Variants in EHBP1 observed in about 807,000 individuals in gnomAD.
EHBP1 encodes EH domain binding protein 1.
Under a neutral mutation model 144.0 loss-of-function variants are expected in EHBP1, and 55 were observed. The ratio of observed to expected loss-of-function variants is 0.38; its 90% CI spans 0.31 to 0.48. The LOEUF (loss-of-function observed/expected upper bound fraction) is 0.48. Among genes scored for constraint, EHBP1 ranks in the 20% least tolerant of loss-of-function variants. EHBP1 has a pLI of 0.98. For synonymous variants in EHBP1, 469 were observed against 472.7 expected, an observed-to-expected ratio of 0.99 and a Z score of 0.10; for missense variants, 1,200 against 1,364.2, an observed-to-expected ratio of 0.88 and a Z score of 1.90.
chr2:62,720,602 G>T (rs1211975672), intron 2 of EHBP1, among the ~76,000 whole-genome samples: 1 of 152,096 alleles, frequency 6.6e-6, no homozygotes, highest in Non-Finnish European at 1.5e-5. Context: ...AAGTTTAATG[G>T]TTCAGCTTTA....
intron 10 of EHBP1, among the ~76,000 whole-genome samples, chr2:62,919,458 C>T (rs1472725798): frequency 1.3e-5 from 2 of 152,148 alleles, no homozygotes; most frequent in Non-Finnish European, 2.9e-5. Context: ...TAGTTTGTAC[C>T]TCAGACTAAT....
intron 7 of EHBP1, among the ~76,000 whole-genome samples, chr2:62,839,701 G>C (rs999086871): frequency 1.3e-5 from 2 of 150,774 alleles, no homozygotes; most frequent in Non-Finnish European, 3.0e-5. Flanking sequence ...ACCAACAACA[G>C]ACAGAGAGCC....
chr2:62,916,569 G>A (rs1263671988), intron 10 of EHBP1, among the ~76,000 whole-genome samples: 1 of 151,196 alleles, frequency 6.6e-6, no homozygotes, highest in Non-Finnish European at 1.5e-5. Flanking sequence ...CACCACCTTG[G>A]GCAACAGAGC....
At chr2:63,008,759 A>G (rs1369446315) in intron 19 of EHBP1, among the ~76,000 whole-genome samples, 1 of 151,630 alleles carries the variant, frequency 6.6e-6, no homozygotes, top group East Asian at 1.9e-4. Context: ...AGAAATAAAA[A>G]TATATAAGGT....
chr2:62,846,926 A>C (rs1372828213), intron 7 of EHBP1, among the ~76,000 whole-genome samples: 2 of 152,212 alleles, frequency 1.3e-5, no homozygotes, highest in African/African-American at 4.8e-5. Context: ...TGTAAATCCA[A>C]CTCAATGCCA....
At chr2:62,803,209 T>C (rs1223796138) in intron 5 of EHBP1, among the ~76,000 whole-genome samples, 3 of 151,444 alleles carry the variant, frequency 2.0e-5, no homozygotes, top group Non-Finnish European at 2.9e-5. Context: ...TAGCACTGCA[T>C]TGGGCACAGA....
At chr2:62,919,143 G>A (rs1055247853) in intron 10 of EHBP1, among the ~76,000 whole-genome samples, 1 of 152,166 alleles carries the variant, frequency 6.6e-6, no homozygotes, top group African/African-American at 2.4e-5. Flanking sequence ...TCCGAAATTT[G>A]TTCTCTTATT....
intron 19 of EHBP1, among the ~76,000 whole-genome samples, chr2:63,002,023 T>C (rs2059870552): frequency 6.6e-6 from 1 of 152,200 alleles, no homozygotes; most frequent in Admixed American, 6.6e-5. Flanking sequence ...TAACAGTATT[T>C]CTTTACCCTG....
At chr2:62,752,923 A>G (rs2039892187) in intron 3 of EHBP1, among the ~76,000 whole-genome samples, 1 of 152,206 alleles carries the variant, frequency 6.6e-6, no homozygotes, top group Middle Eastern at 3.4e-3. Context: ...TTTCCTGAAT[A>G]CAGCGCACTG....
At chr2:62,874,991 C>G (rs897104996) in intron 10 of EHBP1, among the ~76,000 whole-genome samples, 1 of 152,064 alleles carries the variant, frequency 6.6e-6, no homozygotes, top group Admixed American at 6.6e-5. Flanking sequence ...ACCCTGCCCC[C>G]TCCAGTGCAC....
intron 16 of EHBP1, among the ~76,000 whole-genome samples, chr2:62,993,261 TAGG>T (rs1487846450): frequency 6.6e-6 from 1 of 152,040 alleles, no homozygotes; most frequent in Non-Finnish European, 1.5e-5. Context: ...GTGGGGGAAA[TAGG>T]AGGCAACATG....
intron 2 of EHBP1, among the ~76,000 whole-genome samples, chr2:62,738,984 C>CAAAG (rs926881030): frequency 6.6e-6 from 1 of 152,118 alleles, no homozygotes; most frequent in African/African-American, 2.4e-5. Flanking sequence ...GGAGACTGTA[C>CAAAG]AAAGCTATTT....
rs118020213 is a variant in EHBP1, at chr2:62,737,572, G to A, written c.105-9823G>A. 5.4e-4 allele frequency among the ~76,000 whole-genome samples: 82 copies of A among 152,280 alleles called. No individual in the cohort carries two copies. In the East Asian group the frequency reaches 0.011, roughly 20 times the overall value. On this transcript the variant is annotated intron_variant, in intron 2 of 22. Coordinates refer to ENST00000431489, the MANE Select transcript of EHBP1 (RefSeq NM_001142616.3). Reference sequence around the variant, plus strand: ...GCCCTGCGACCTCATTTCTGTTATGGATCTAAGAAGAGTTGTTGATATTTC... The same window carrying A: ...GCCCTGCGACCTCATTTCTGTTATGAATCTAAGAAGAGTTGTTGATATTTC...
chr2:62,930,665 G>T (rs1457440609), intron 10 of EHBP1, among the ~76,000 whole-genome samples: 2 of 152,146 alleles, frequency 1.3e-5, no homozygotes, highest in Admixed American at 1.3e-4. Flanking sequence ...TATGGTACTG[G>T]CATGAAGACA....
intron 9 of EHBP1, among the ~76,000 whole-genome samples, chr2:62,868,005 A>C (rs2050173978): frequency 6.6e-6 from 1 of 152,224 alleles, no homozygotes; most frequent in Non-Finnish European, 1.5e-5. Flanking sequence ...CAACAAAAAA[A>C]AAGCTACAAT....
chr2:62,732,387 G>A (rs1446063010), intron 2 of EHBP1, among the ~76,000 whole-genome samples: 3 of 151,916 alleles, frequency 2.0e-5, no homozygotes, highest in Admixed American at 2.0e-4. Flanking sequence ...TGTCTGATAC[G>A]GTTTGGATCT....
At chr2:62,768,209 A>T (rs2041349935) in intron 4 of EHBP1, among the ~76,000 whole-genome samples, 1 of 152,228 alleles carries the variant, frequency 6.6e-6, no homozygotes. Context: ...ATGAAAACTC[A>T]TTCAAAAGAT....
At chr2:62,686,465 C>T (rs989593648) in intron 1 of EHBP1, among the ~76,000 whole-genome samples, 3 of 152,128 alleles carry the variant, frequency 2.0e-5, no homozygotes, top group African/African-American at 7.2e-5. Context: ...CTATCCTGAT[C>T]GCTGAAGCTC....
At chr2:62,730,755 GAA>G (rs1226621458) in intron 2 of EHBP1, among the ~76,000 whole-genome samples, 1 of 111,818 alleles carries the variant, frequency 8.9e-6, no homozygotes, top group Admixed American at 9.4e-5. Flanking sequence ...AAGAGAGAAA[GAA>G]AGAGAGAGAC....
Sources: gnomAD v4.1 joint callset for allele counts (sites outside exome capture counted in the v4.1 genomes callset) on GRCh38, gnomAD v4.1.1 for gene constraint, MANE v1.5 for transcripts, NCBI Gene and HGNC (gene_info 2026-07-23, HGNC 2026-07-21) for gene names.